METTL24: variants seen among roughly 807,000 people sequenced by gnomAD.
METTL24 encodes the protein probable methyltransferase-like protein 24.
In METTL24, 29 loss-of-function variants were observed where a neutral mutation model predicts 32.7. The ratio of observed to expected loss-of-function variants is 0.89; its 90% CI spans 0.66 to 1.21. The LOEUF (loss-of-function observed/expected upper bound fraction) is 1.21. Ranked by LOEUF, METTL24 falls within the 50% of genes most tolerant of loss-of-function variation. METTL24 has a pLI of 0.00. For missense variants in METTL24, 439 were observed against 468.1 expected (o/e 0.94, Z 0.57); for synonymous variants, 163 against 179.5 (o/e 0.91, Z 0.73).
intron 2 of METTL24, among the ~76,000 whole-genome samples, chr6:110,317,617 A>G (rs1228218846): frequency 6.6e-6 from 1 of 152,036 alleles, no homozygotes; most frequent in Non-Finnish European, 1.5e-5. Flanking sequence ...TTTTTATTAA[A>G]ATGGTATGAT....
rs1288451861 is a variant in METTL24, at chr6:110,299,090, A to G, written c.618T>C (p.His206=). 1 of 1,614,178 alleles carries G rather than the reference A, an allele frequency of 6.2e-7. No homozygotes were observed. Among genetic ancestry groups the G allele is most frequent in the Admixed American group, 1.7e-5 (1 of 60,014 alleles). The change falls in exon 4 of 5, where the codon CAT becomes CAC. Residue 206 remains histidine (H), a synonymous_variant. Coordinates refer to ENST00000338882, the MANE Select transcript of METTL24 (RefSeq NM_001123364.3). ...CTGACTTGACACTAGGATCAAAACG[A>G]TGCACTTCACATCCGTTGTTGGCCA... ...VSMANNGCEV[H]RFDPSVKSAH...
At position 110,358,068 on chromosome 6, in the gene METTL24, T is replaced by C; in HGVS notation, c.205A>G (p.Ser69Gly). The C allele has an allele frequency of 9.8e-7, 1 of 1,021,316 alleles. No homozygotes were observed. The highest frequency in any genetic ancestry group is 1.2e-6 in the Non-Finnish European group (1 of 855,150). The allele number at this position is 1,021,316 out of a possible 1,614,324, so 63.3% of individuals were successfully genotyped here. The change falls in exon 1 of 5, where the codon AGC becomes GGC. Residue 69 changes from serine to glycine, a missense_variant. Transcript: ENST00000338882. ...PPAPGQPRGA[S>G]RRQVTYVRSG... Reference sequence around the variant, plus strand: ...CGCACGTAGGTCACCTGCCTCCTGCTGGCGCCGCGCGGCTGGCCCGGCGCG... The same window carrying C: ...CGCACGTAGGTCACCTGCCTCCTGCCGGCGCCGCGCGGCTGGCCCGGCGCG...
In METTL24 at chr6:110,328,364, T is replaced by C. The variant is rs1562238799; in HGVS notation, c.319-5492A>G. On this transcript the variant is annotated intron_variant, in intron 1 of 4. Transcript: ENST00000338882. ...AATGAGAGGCAAATGTTTTCATTAC[T>C]AGAGAAAAATTCCAAAAATTCAGAT... 2.0e-5 allele frequency among the ~76,000 whole-genome samples: 3 copies of C among 152,352 alleles called. No individual in the cohort carries two copies. In the South Asian group the frequency reaches 6.2e-4, roughly 32 times the overall value.
chr6:110,301,552 C>T (rs1242335903), intron 3 of METTL24, among the ~76,000 whole-genome samples: 1 of 152,144 alleles, frequency 6.6e-6, no homozygotes, highest in Non-Finnish European at 1.5e-5. Flanking sequence ...AATTTGCACT[C>T]CAGCCAGTCC....
chr6:110,333,970 T>C (rs1010261114), intron 1 of METTL24, among the ~76,000 whole-genome samples: 8 of 152,252 alleles, frequency 5.3e-5, no homozygotes, highest in Admixed American at 3.3e-4. Flanking sequence ...TCATTTTTAA[T>C]AAGAGTAACT....
chr6:110,266,096 G>T (rs1387576094), intron 4 of METTL24, among the ~76,000 whole-genome samples: 8 of 151,730 alleles, frequency 5.3e-5, no homozygotes, highest in Admixed American at 5.3e-4. Context: ...GTAGAGATGG[G>T]GTCTTATTAT....
rs553271453 is a variant in METTL24, at chr6:110,306,069, C to T, written c.558-6919G>A. ...AAACCATCATCCTCAGCAAACCGAA[C>T]ACCACATGTTCTCACTCATAAGTGG... is the stretch of plus-strand genomic sequence containing the variant. On this transcript the variant is annotated intron_variant, in intron 3 of 4. Coordinates refer to ENST00000338882, the MANE Select transcript of METTL24 (RefSeq NM_001123364.3). 2.0e-5 allele frequency among the ~76,000 whole-genome samples: 3 copies of T among 151,506 alleles called. No individual in the cohort carries two copies. In the South Asian group the frequency reaches 6.3e-4, roughly 32 times the overall value.
intron 1 of METTL24, among the ~76,000 whole-genome samples, chr6:110,351,491 A>C (rs905462959): frequency 1.3e-5 from 2 of 152,212 alleles, no homozygotes; most frequent in Non-Finnish European, 2.9e-5. Flanking sequence ...AGGGTCTAGG[A>C]TTAGTAAAAC....
chr6:110,334,848 G>C (rs182825533), intron 1 of METTL24, among the ~76,000 whole-genome samples: 1 of 152,184 alleles, frequency 6.6e-6, no homozygotes, highest in East Asian at 1.9e-4. Flanking sequence ...TACAGTATTT[G>C]GTAGTCTCAG....
At position 110,245,347 on chromosome 6, in the gene METTL24, C is replaced by G. The variant is rs1778134302; in HGVS notation, c.*599G>C. Among the ~76,000 whole-genome samples the G allele has an allele frequency of 6.6e-6, 1 of 152,124 alleles. No homozygotes were observed. The highest frequency in any genetic ancestry group is 2.4e-5 in the African/African-American group (1 of 41,422). On this transcript the variant is annotated 3_prime_UTR_variant, in exon 5 of 5. Transcript: ENST00000338882. ...GAACTTACACCTTCGTGTTGAAGCT[C>G]TTGATAGTCTAGTCTCTTTAACTCA... is the stretch of plus-strand genomic sequence containing the variant.
rs1447586952 is a variant in METTL24, at chr6:110,246,177, A to G, written c.870T>C (p.Ile290=). The G allele has an allele frequency of 6.2e-7, 1 of 1,614,170 alleles. No homozygotes were observed. Among genetic ancestry groups the G allele is most frequent in the Non-Finnish European group, 8.5e-7 (1 of 1,180,020 alleles). The change falls in exon 5 of 5, where the codon ATT becomes ATC. Residue 290 remains isoleucine (I), a synonymous_variant. Transcript: ENST00000338882. ...GATGGATCTCAAAGATGAGCTGTCC[A>G]ATCTGCTCAAGAACATCTTCCAGAA... ...NLILEDVLEQ[I]GQLIFEIHLH...
At chr6:110,269,741 A>G (rs1198278372) in intron 4 of METTL24, among the ~76,000 whole-genome samples, 2 of 152,186 alleles carry the variant, frequency 1.3e-5, no homozygotes, top group African/African-American at 4.8e-5. Context: ...AAGATTGCAA[A>G]TTCAAAGGGA....
At chr6:110,265,402 G>A (rs1166847804) in intron 4 of METTL24, among the ~76,000 whole-genome samples, 1 of 152,154 alleles carries the variant, frequency 6.6e-6, no homozygotes, top group African/African-American at 2.4e-5. Context: ...AATATAGCAT[G>A]GCAGGACTGT....
At chr6:110,340,020 C>T (rs1772320578) in intron 1 of METTL24, among the ~76,000 whole-genome samples, 3 of 152,140 alleles carry the variant, frequency 2.0e-5, no homozygotes, top group South Asian at 4.1e-4. Flanking sequence ...CCTTTAAAGA[C>T]TGTTTTAGCA....
chr6:110,329,448 G>C (rs1772073806), intron 1 of METTL24, among the ~76,000 whole-genome samples: 1 of 145,948 alleles, frequency 6.9e-6, no homozygotes, highest in Non-Finnish European at 1.5e-5. Flanking sequence ...AAGAGCATCT[G>C]TTAGTGGGCA....
chr6:110,326,861 T>C (rs1772025834), intron 1 of METTL24, among the ~76,000 whole-genome samples: 2 of 152,214 alleles, frequency 1.3e-5, no homozygotes, highest in Admixed American at 1.3e-4. Context: ...GAGGCTGTGC[T>C]TGGTCCCTGC....
intron 4 of METTL24, chr6:110,254,087 T>A: frequency 1.7e-6 from 1 of 588,844 alleles, no homozygotes; most frequent in Non-Finnish European, 2.6e-6. Flanking sequence ...CCTCTATCAA[T>A]AATTTATTCT....
intron 4 of METTL24, among the ~76,000 whole-genome samples, chr6:110,282,138 G>T (rs1771146774): frequency 6.6e-6 from 1 of 152,062 alleles, no homozygotes; most frequent in African/African-American, 2.4e-5. Flanking sequence ...GGCACTAAAG[G>T]GATGTCTGGA....
chr6:110,306,889 A>G (rs755984542), intron 3 of METTL24, among the ~76,000 whole-genome samples: 4 of 152,206 alleles, frequency 2.6e-5, no homozygotes, highest in Non-Finnish European at 5.9e-5. Context: ...AGCACAGGAC[A>G]CAGGATCATG....
Sources: gnomAD v4.1 joint callset for allele counts (sites outside exome capture counted in the v4.1 genomes callset) on GRCh38, gnomAD v4.1.1 for gene constraint, MANE v1.5 for transcripts, NCBI Gene and HGNC (gene_info 2026-07-23, HGNC 2026-07-21) for gene names.